The following SCAMP1 variants were observed in gnomAD, a reference collection of about 807,000 sequenced individuals.
SCAMP1 encodes secretory carrier membrane protein 1.
SCAMP1 carries 15 observed loss-of-function variants against 41.8 expected under a neutral mutation model. The ratio of observed to expected loss-of-function variants is 0.36; its 90% CI spans 0.24 to 0.55. The LOEUF (loss-of-function observed/expected upper bound fraction) is 0.55. Among genes scored for constraint, SCAMP1 ranks in the 20% least tolerant of loss-of-function variants. The pLI is 0.86. For missense variants in SCAMP1, 341 were observed against 412.6 expected (o/e 0.83, Z 1.50); for synonymous variants, 135 against 136.8 (o/e 0.99, Z 0.09).
chr5:78,394,443 A>G (rs141676369), intron 2 of SCAMP1, among the ~76,000 whole-genome samples: 64 of 152,230 alleles, frequency 4.2e-4, no homozygotes, highest in African/African-American at 1.5e-3. Flanking sequence ...GGCTGGTCTC[A>G]AACTCCTGGA....
intron 8 of SCAMP1, among the ~76,000 whole-genome samples, chr5:78,473,302 T>G (rs909217524): frequency 8.5e-5 from 13 of 152,122 alleles, no homozygotes; most frequent in African/African-American, 3.1e-4. Context: ...CCGTGATAGA[T>G]TTTCATGCAT....
intron 8 of SCAMP1, among the ~76,000 whole-genome samples, chr5:78,467,614 A>G (rs1753779379): frequency 6.6e-6 from 1 of 152,158 alleles, no homozygotes; most frequent in Non-Finnish European, 1.5e-5. Flanking sequence ...ATAGTTAAAG[A>G]AGTTACCAGA....
intron 6 of SCAMP1, among the ~76,000 whole-genome samples, chr5:78,441,871 T>C (rs1752932345): frequency 6.6e-6 from 1 of 152,210 alleles, no homozygotes; most frequent in Non-Finnish European, 1.5e-5. Flanking sequence ...GGCTCATGTG[T>C]ATAATCCCAG....
intron 7 of SCAMP1, among the ~76,000 whole-genome samples, chr5:78,456,523 T>A (rs930911751): frequency 7.4e-4 from 113 of 151,746 alleles, no homozygotes; most frequent in African/African-American, 2.5e-3. Flanking sequence ...CCCACTCTCT[T>A]CTGGCTTGTA....
intron 1 of SCAMP1, among the ~76,000 whole-genome samples, chr5:78,363,692 A>G (rs1469397973): frequency 6.6e-6 from 1 of 152,198 alleles, no homozygotes; most frequent in Non-Finnish European, 1.5e-5. Context: ...TACTTCTGCA[A>G]GCATCTTCGT....
chr5:78,404,453 G>GTTTTTTTTTTTTTTTTTTTTTTTTTTT (rs3058233), intron 2 of SCAMP1, among the ~76,000 whole-genome samples: 9 of 98,180 alleles, frequency 9.2e-5, no homozygotes, highest in African/African-American at 4.0e-4. Flanking sequence ...AGCCTTACAG[G>GTTTTTTTTTTTTTTTTTTTTTTTTTTT]TTTTTTTTTT....
chr5:78,430,717 G>C (rs560258483), intron 6 of SCAMP1, among the ~76,000 whole-genome samples: 6 of 151,998 alleles, frequency 3.9e-5, no homozygotes, highest in African/African-American at 1.4e-4. Context: ...TTTTAACCCA[G>C]ATCTTCAGAC....
chr5:78,434,192 C>T (rs1752689195), intron 6 of SCAMP1, among the ~76,000 whole-genome samples: 1 of 152,194 alleles, frequency 6.6e-6, no homozygotes, highest in South Asian at 2.1e-4. Context: ...GTAGCTTTGG[C>T]TCCTGGGGGT....
chr5:78,478,398 C>T lies in SCAMP1; in HGVS notation c.*2730C>T, dbSNP rs1397364195. 1 of 152,550 alleles carries T rather than the reference C, an allele frequency of 6.6e-6. No individual in the cohort carries two copies. The highest frequency in any genetic ancestry group is 1.5e-5 in the Non-Finnish European group (1 of 68,002). The allele number at this position is 152,550 out of a possible 1,614,324, so 9.4% of individuals were successfully genotyped here. A position where few individuals can be genotyped will look rare whatever the true frequency, so the allele number is the denominator to read the frequency against. On this transcript the variant is annotated 3_prime_UTR_variant, in exon 9 of 9. Coordinates refer to ENST00000621999, the MANE Select transcript of SCAMP1 (RefSeq NM_004866.6). The stretch of plus-strand genomic sequence containing the variant: ...TTTTAAAATATGTGTATAAGTCTGT[C>T]ATGTGCTAAACAAAATAATATGAAA...
At chr5:78,382,776 G>GGTGTGTGTGTGTGTGT (rs61523492) in intron 1 of SCAMP1, among the ~76,000 whole-genome samples, 7 of 130,256 alleles carry the variant, frequency 5.4e-5, no homozygotes, top group East Asian at 2.1e-4. Flanking sequence ...AGTATTCCAT[G>GGTGTGTGTGTGTGTGT]GTGTGTGTGT....
chr5:78,421,094 A>C (rs560005290), intron 5 of SCAMP1, among the ~76,000 whole-genome samples: 1 of 152,322 alleles, frequency 6.6e-6, no homozygotes, highest in African/African-American at 2.4e-5. Context: ...GATGTTACTC[A>C]GATTTTTTGT....
intron 5 of SCAMP1, among the ~76,000 whole-genome samples, chr5:78,421,262 A>T (rs907749445): frequency 5.3e-5 from 8 of 152,232 alleles, no homozygotes; most frequent in African/African-American, 1.7e-4. Flanking sequence ...CCTCTACCAA[A>T]ACGCAAGTTT....
intron 8 of SCAMP1, among the ~76,000 whole-genome samples, chr5:78,459,752 TTTTTG>T (rs1159940013): frequency 3.9e-5 from 6 of 152,042 alleles, no homozygotes; most frequent in Non-Finnish European, 7.4e-5. Flanking sequence ...ATCTCTTAGG[TTTTTG>T]TTTTGTTTTT....
At chr5:78,389,285 A>G (rs376931041) in intron 2 of SCAMP1, among the ~76,000 whole-genome samples, 3 of 152,158 alleles carry the variant, frequency 2.0e-5, no homozygotes, top group Non-Finnish European at 4.4e-5. Context: ...AACTGTGTAG[A>G]ACTGTACCAT....
At chr5:78,407,489 T>C (rs1751961954) in intron 2 of SCAMP1, among the ~76,000 whole-genome samples, 1 of 151,998 alleles carries the variant, frequency 6.6e-6, no homozygotes, top group Non-Finnish European at 1.5e-5. Flanking sequence ...TTTTTTTTCT[T>C]GCAGTTTTTA....
At chr5:78,464,792 A>G (rs1260592690) in intron 8 of SCAMP1, among the ~76,000 whole-genome samples, 4 of 152,208 alleles carry the variant, frequency 2.6e-5, no homozygotes, top group East Asian at 1.9e-4. Flanking sequence ...TCTGGGCCCT[A>G]TGCAGAACAC....
chr5:78,451,617 A>C (rs1753228498), intron 7 of SCAMP1, among the ~76,000 whole-genome samples: 3 of 152,084 alleles, frequency 2.0e-5, no homozygotes, highest in Non-Finnish European at 2.9e-5. Flanking sequence ...AGATTTATCC[A>C]GGTTGTTATG....
chr5:78,441,800 A>C (rs1752931057), intron 6 of SCAMP1, among the ~76,000 whole-genome samples: 1 of 152,070 alleles, frequency 6.6e-6, no homozygotes, highest in Non-Finnish European at 1.5e-5. Flanking sequence ...GAGCCACTGC[A>C]CTCCAGCCTG....
intron 6 of SCAMP1, among the ~76,000 whole-genome samples, chr5:78,445,861 C>A (rs939036422): frequency 1.3e-5 from 2 of 152,166 alleles, no homozygotes; most frequent in African/African-American, 4.8e-5. Flanking sequence ...GATTTGTGCT[C>A]TCTTGGAGAT....
Sources: allele counts gnomAD v4.1 joint callset (sites outside exome capture counted in the v4.1 genomes callset), GRCh38; gene constraint gnomAD v4.1.1; transcripts MANE v1.5; gene names NCBI Gene and HGNC (gene_info 2026-07-23, HGNC 2026-07-21).